SPATA6L: variants seen among roughly 807,000 people sequenced by gnomAD.
SPATA6L encodes the protein spermatogenesis associated 6 like.
A neutral mutation model predicts 49.2 loss-of-function variants in SPATA6L; 68 were observed. The observed-to-expected ratio is 1.38, with a 90% CI of 1.14 to 1.69. The LOEUF is 1.69. Ranked by LOEUF, SPATA6L falls within the 40% of genes most tolerant of loss-of-function variation. SPATA6L has a pLI of 0.00. For synonymous variants in SPATA6L, 198 were observed against 165.7 expected, an observed-to-expected ratio of 1.19 and a Z score of -1.50; for missense variants, 668 against 464.3, an observed-to-expected ratio of 1.44 and a Z score of -4.03.
At chr9:4,589,776 C>A (rs1821785208) in intron 13 of SPATA6L, among the ~76,000 whole-genome samples, 1 of 152,130 alleles carries the variant, frequency 6.6e-6, no homozygotes, top group Non-Finnish European at 1.5e-5. Context: ...AAACTGTCTC[C>A]CCACCTGATG....
At chr9:4,634,514 A>C (rs1273462963) in intron 4 of SPATA6L, among the ~76,000 whole-genome samples, 1 of 152,228 alleles carries the variant, frequency 6.6e-6, no homozygotes, top group Non-Finnish European at 1.5e-5. Context: ...TGTTATATTA[A>C]ATATATTCTG....
chr9:4,629,242 T>C, intron 4 of SPATA6L, 74 bp from the exon 5 acceptor site: 1 of 1,019,308 alleles, frequency 9.8e-7, no homozygotes, highest in Non-Finnish European at 1.5e-6. Context: ...TAACTTGAAA[T>C]CATACAAGAA....
chr9:4,661,835 G>C (rs1462939174), intron 2 of SPATA6L, 64 bp downstream of exon 2: 2 of 1,572,840 alleles, frequency 1.3e-6, no homozygotes, highest in Admixed American at 1.8e-5. Context: ...TAAGAACTCT[G>C]TTCTTTATAA....
chr9:4,650,267 C>T (rs1394852889), intron 3 of SPATA6L, among the ~76,000 whole-genome samples: 1 of 152,122 alleles, frequency 6.6e-6, no homozygotes, highest in Admixed American at 6.5e-5. Flanking sequence ...TGTGTCTGGT[C>T]CTTTCTCTAT....
intron 6 of SPATA6L, among the ~76,000 whole-genome samples, chr9:4,623,719 GT>G (rs1829826544): frequency 6.6e-6 from 1 of 152,134 alleles, no homozygotes; most frequent in Non-Finnish European, 1.5e-5. Context: ...TATCAAACAA[GT>G]TTTAATCCCC....
chr9:4,624,872 A>G (rs1319326281), intron 6 of SPATA6L, among the ~76,000 whole-genome samples: 2 of 152,178 alleles, frequency 1.3e-5, no homozygotes. Flanking sequence ...TACAAATAAA[A>G]CTTTTCTGGC....
chr9:4,601,674 G>C (rs967004745), intron 11 of SPATA6L, among the ~76,000 whole-genome samples: 2 of 152,158 alleles, frequency 1.3e-5, no homozygotes, highest in African/African-American at 2.4e-5. Context: ...AAACAGATAT[G>C]GAGAAGGGGA....
intron 3 of SPATA6L, among the ~76,000 whole-genome samples, chr9:4,649,437 G>A (rs1836304999): frequency 6.6e-6 from 1 of 152,140 alleles, no homozygotes; most frequent in Non-Finnish European, 1.5e-5. Context: ...ATTCTATATA[G>A]TCAATTAATT....
At chr9:4,629,769 G>GTGTGTGTTTATATATATATA in intron 4 of SPATA6L, among the ~76,000 whole-genome samples, 1 of 101,922 alleles carries the variant, frequency 9.8e-6, no homozygotes, top group Admixed American at 1.1e-4. Context: ...GTGTGTGTGT[G>GTGTGTGTTTATATATATATA]TATATATATA....
intron 5 of SPATA6L, 141 bp downstream of exon 5, chr9:4,628,950 A>C: frequency 6.3e-6 from 4 of 639,750 alleles, no homozygotes; most frequent in Non-Finnish European, 1.1e-5. Context: ...AATTATAGAA[A>C]TACAAACCTA....
rs943316136 is a variant in SPATA6L, at chr9:4,633,587, A to G, written c.351+1688T>C. ...CTCGTTACTCCACATGTCCTGTAAC[A>G]CAAACTCTGGCATATTACTCTGAAG... On this transcript the variant is annotated intron_variant, in intron 4 of 11. Transcript: ENST00000682582. 3.3e-5 allele frequency: 6 copies of G among 184,354 alleles called. No individual in the cohort carries two copies. The East Asian group carries it at 7.8e-4, about 24-fold the overall frequency. 11.4% of individuals were successfully genotyped at this position (184,354 alleles called of 1,614,324 possible). A position where few individuals can be genotyped will look rare whatever the true frequency, so the allele number is the denominator to read the frequency against.
chr9:4,607,586 G>A (rs1451671310), intron 9 of SPATA6L, among the ~76,000 whole-genome samples: 1 of 152,112 alleles, frequency 6.6e-6, no homozygotes. Flanking sequence ...TTACAGACAA[G>A]CAAATGCTCA....
chr9:4,662,356 G>T lies in SPATA6L; in HGVS notation c.40-320C>A, dbSNP rs548807504. The T allele has an allele frequency of 6.7e-7, 1 of 1,487,674 alleles. No individual in the cohort carries two copies. Among genetic ancestry groups the T allele is most frequent in the South Asian group, 1.3e-5 (1 of 76,098 alleles). The allele number at this position is 1,487,674 out of a possible 1,614,324, so 92.2% of individuals were successfully genotyped here. ...TCTGTTTGGTCCGGCCAGGTCCCGGGATCCGGGCCGCCAGCTGCGATGCCA... is the reference window on the plus strand; with the variant it reads ...TCTGTTTGGTCCGGCCAGGTCCCGGTATCCGGGCCGCCAGCTGCGATGCCA... On this transcript the variant is annotated intron_variant, in intron 1 of 11. Coordinates refer to ENST00000682582, the MANE Select transcript of SPATA6L (RefSeq NM_001353486.2). This position sits in a 1 kb window ranked among gnomAD's most constrained non-coding sequence, Gnocchi z 4.9.
At chr9:4,596,897 T>C (rs138534596), downstream of SPATA6L, among the ~76,000 whole-genome samples, 247 of 152,272 alleles carry the variant, frequency 1.6e-3, no homozygotes, top group Non-Finnish European at 2.4e-3. Flanking sequence ...TGAGCCTCAG[T>C]GTCCTTAGCA....
intron 8 of SPATA6L, among the ~76,000 whole-genome samples, chr9:4,618,398 G>C (rs188503027): frequency 6.6e-6 from 1 of 152,140 alleles, no homozygotes; most frequent in African/African-American, 2.4e-5. Flanking sequence ...GGGATTATTG[G>C]TCTGGGAAAA....
Position 4,599,349 on chromosome 9 carries a change from G to T in SPATA6L, c.*1462C>A, listed in dbSNP as rs1822700576. 6.6e-6 allele frequency among the ~76,000 whole-genome samples: 1 copy of T among 152,094 alleles called. No individual in the cohort carries two copies. The highest frequency in any genetic ancestry group is 2.4e-5 in the African/African-American group (1 of 41,412). On this transcript the variant is annotated 3_prime_UTR_variant, in exon 12 of 12. Transcript: ENST00000682582. ...GAAGAGGATAAATGAATTTTGTTTT[G>T]TTGTTTTTGTTTTTGGAGTTCCTTT...
chr9:4,662,405 A>G lies in SPATA6L; in HGVS notation c.40-369T>C. The G allele has an allele frequency of 6.5e-7, 1 of 1,535,376 alleles. No homozygotes were observed. On this transcript the variant is annotated intron_variant, in intron 1 of 11. Transcript: ENST00000682582. This position sits in a 1 kb window ranked among gnomAD's most constrained non-coding sequence, Gnocchi z 4.9. ...CAAGTCCCCGGAGGAGCATGGAGGG[A>G]CGGCCGCTGGGCGTCTCCGCTTCGA...
intron 13 of SPATA6L, among the ~76,000 whole-genome samples, chr9:4,591,491 T>C (rs1586889856): frequency 6.6e-6 from 1 of 152,226 alleles, no homozygotes; most frequent in East Asian, 1.9e-4. Context: ...ATTCACGTGA[T>C]AAAAGAAGGC....
At chr9:4,589,984 C>T (rs145652567) in intron 13 of SPATA6L, among the ~76,000 whole-genome samples, 295 of 152,244 alleles carry the variant, frequency 1.9e-3, no homozygotes, top group African/African-American at 6.8e-3. Context: ...AGTGCAGTGG[C>T]GCGATCTTGG....
Sources: allele counts gnomAD v4.1 joint callset (sites outside exome capture counted in the v4.1 genomes callset), GRCh38; gene constraint gnomAD v4.1.1; non-coding constraint Gnocchi (gnomAD v3.1); transcripts MANE v1.5; gene names NCBI Gene and HGNC (gene_info 2026-07-23, HGNC 2026-07-21).